Variants in NR4A2 observed in about 807,000 individuals in gnomAD.
The protein encoded by NR4A2 is nuclear receptor subfamily 4 group A member 2, also known as NGFI-B/nur77 beta-type transcription factor homolog.
NR4A2 carries 1 observed loss-of-function variant against 50.5 expected under a neutral mutation model. The observed-to-expected ratio is 0.02, with a 90% CI of 0.01 to 0.09. The LOEUF is 0.09. Among genes scored for constraint, NR4A2 ranks in the 10% least tolerant of loss-of-function variants. The pLI is 1.00. For synonymous variants in NR4A2, 328 were observed against 309.4 expected, an observed-to-expected ratio of 1.06 and a Z score of -0.63; for missense variants, 613 against 777.3, an observed-to-expected ratio of 0.79 and a Z score of 2.51.
chr2:156,327,687 T>C lies in NR4A2; in HGVS notation c.1158+164A>G, dbSNP rs200737201. On this transcript the variant is annotated intron_variant, in intron 5 of 7. Transcript: ENST00000339562. Reference sequence around the variant, plus strand: ...TCTATGCCCCCAGCTACATGGATTGTCTGAAGATCTGAATCTTGAGGCCCT... The same window carrying C: ...TCTATGCCCCCAGCTACATGGATTGCCTGAAGATCTGAATCTTGAGGCCCT... Among the ~76,000 whole-genome samples, 9 of 152,324 alleles carry C rather than the reference T, an allele frequency of 5.9e-5. No individual in the cohort carries two copies. The East Asian group carries it at 1.7e-3, about 29-fold the overall frequency.
In NR4A2 at chr2:156,329,448, G is replaced by T. The variant is rs1346737326; in HGVS notation, c.739C>A (p.Gln247Lys). The T allele has an allele frequency of 1.9e-6, 3 of 1,608,512 alleles. No individual in the cohort carries two copies. The highest frequency in any genetic ancestry group is 2.5e-6 in the Non-Finnish European group (3 of 1,179,246). Residue 247 changes from glutamine to lysine, a missense_variant, in exon 3 of 8, where the codon CAG (glutamine) becomes AAG (lysine). Around this residue, in one of 4 missense-constraint regions of NR4A2, gnomAD observed 275 missense variants for 248.9 expected, o/e 1.10. Transcript: ENST00000339562. This position sits in a 1 kb window ranked among gnomAD's most constrained non-coding sequence, Gnocchi z 7.5. ...CCCCGCGACGGCGGTGAGGGCACCT[G>T]CGTGTCGAGCAGCTGAGACGCGTGG... ...IGHASQLLDTQVPSPPSRGSP... is the reference protein window; with the variant it reads ...IGHASQLLDTKVPSPPSRGSP...
chr2:156,325,420 C>A lies in NR4A2; in HGVS notation c.*324G>T, dbSNP rs2105589310. On this transcript the variant is annotated 3_prime_UTR_variant, in exon 8 of 8. Transcript: ENST00000339562. ...AAACATTTCCCATTATACATTATAG[C>A]AATCTTTCTTCTGAACAACAAACTG... 5.4e-6 allele frequency: 2 copies of A among 372,438 alleles called. No homozygotes were observed. The highest frequency in any genetic ancestry group is 8.9e-4 in the Middle Eastern group (1 of 1,120). 23.1% of individuals were successfully genotyped at this position (372,438 alleles called of 1,614,324 possible). A position where few individuals can be genotyped will look rare whatever the true frequency, so the allele number is the denominator to read the frequency against.
In NR4A2 at chr2:156,328,355, G is replaced by A; in HGVS notation, c.994+49C>T. 6.2e-7 allele frequency: 1 copy of A among 1,613,644 alleles called. No homozygotes were observed. The highest frequency in any genetic ancestry group is 8.5e-7 in the Non-Finnish European group (1 of 1,179,726). On this transcript the variant is annotated intron_variant, in intron 4 of 7. Transcript: ENST00000339562. The surrounding 1 kb of genome is among the most constrained non-coding windows in gnomAD (Gnocchi z 4.9). ...AACGTGATGCTGGAGTATGAGCAGT[G>A]GTTTCCTAAAGGCGCAAACTGGAGG...
In NR4A2 at chr2:156,325,648, A is replaced by T; in HGVS notation, c.*96T>A. ...CAGAAATGGGGGGCAGCTTGAGCTGAGACTGCTCACACGGCTATCTCTGCC... is the reference window on the plus strand; with the variant it reads ...CAGAAATGGGGGGCAGCTTGAGCTGTGACTGCTCACACGGCTATCTCTGCC... On this transcript the variant is annotated 3_prime_UTR_variant, in exon 8 of 8. Transcript: ENST00000339562. 1 of 1,480,984 alleles carries T rather than the reference A, an allele frequency of 6.8e-7. No individual in the cohort carries two copies. Among genetic ancestry groups the T allele is most frequent in the Non-Finnish European group, 9.4e-7 (1 of 1,061,114 alleles). The allele number at this position is 1,480,984 out of a possible 1,614,324, so 91.7% of individuals were successfully genotyped here.
In NR4A2 at chr2:156,328,275, G is replaced by A. The variant is rs961745121; in HGVS notation, c.994+129C>T. ...AAGGCCGGGCAAGCAGGCAGCTGCA[G>A]GGTCCTGGAGGCCATACTGAGGGGG... On this transcript the variant is annotated intron_variant, in intron 4 of 7. Coordinates refer to ENST00000339562, the MANE Select transcript of NR4A2 (RefSeq NM_006186.4). The surrounding 1 kb of genome is among the most constrained non-coding windows in gnomAD (Gnocchi z 4.9). The A allele has an allele frequency of 6.8e-7, 1 of 1,470,450 alleles. No individual in the cohort carries two copies. Among genetic ancestry groups the A allele is most frequent in the Non-Finnish European group, 9.5e-7 (1 of 1,054,906 alleles). 91.1% of individuals were successfully genotyped at this position (1,470,450 alleles called of 1,614,324 possible).
chr2:156,330,730 A>T lies in NR4A2; in HGVS notation c.-65T>A. 2 of 1,257,280 alleles carry T rather than the reference A, an allele frequency of 1.6e-6. No homozygotes were observed. The highest frequency in any genetic ancestry group is 2.0e-6 in the Non-Finnish European group (2 of 1,001,172). The allele number at this position is 1,257,280 out of a possible 1,614,324, so 77.9% of individuals were successfully genotyped here. ...GGTGGACAGTGTCGTAATTCAATGA[A>T]GGACAAAGTTTCCAAGATTTTTAGA... On this transcript the variant is annotated 5_prime_UTR_variant, in exon 2 of 8. Transcript: ENST00000339562.
At chr2:156,332,433 G>A (rs1343844839) in intron 1 of NR4A2, 47 bp downstream of exon 1, 49 of 1,277,110 alleles carry the variant, frequency 3.8e-5, no homozygotes, top group Non-Finnish European at 4.7e-5. Flanking sequence ...TGCAAAAGAA[G>A]GAAAAAGCAT....
Position 156,326,171 on chromosome 2 carries a change from C to T in NR4A2, c.1519G>A (p.Ala507Thr). ...NIDISAFSCI[A>T]ALAMVTERHG... is the part of the protein sequence containing the mutation. Reference sequence around the variant, plus strand: ...TGACCTGTGACCATAGCCAGGGCAGCAATGCAGGAGAAGGCAGAAATGTCG... The same window carrying T: ...TGACCTGTGACCATAGCCAGGGCAGTAATGCAGGAGAAGGCAGAAATGTCG... The change falls in exon 7 of 8, where the codon GCT (alanine) becomes ACT (threonine). Residue 507 changes from alanine (A) to threonine (T), a missense_variant. Physicochemically the swap from Ala to Thr is moderately conservative, Grantham distance 58. Transcript: ENST00000339562. This position sits in a 1 kb window ranked among gnomAD's most constrained non-coding sequence, Gnocchi z 4.2. 1 of 1,614,190 alleles carries T rather than the reference C, an allele frequency of 6.2e-7. No homozygotes were observed. Among genetic ancestry groups the T allele is most frequent in the Non-Finnish European group, 8.5e-7 (1 of 1,180,036 alleles).
Position 156,326,644 on chromosome 2 carries a change from C to T in NR4A2, c.1361+74G>A. ...TTTCTCTACCCCACCCTCTGGTTTC[C>T]CTTCCTCCCTTTCTTTTCCTTTCTT... is the stretch of plus-strand genomic sequence containing the variant. On this transcript the variant is annotated intron_variant, in intron 6 of 7. Transcript: ENST00000339562. This position sits in a 1 kb window ranked among gnomAD's most constrained non-coding sequence, Gnocchi z 4.2. 1 of 1,494,646 alleles carries T rather than the reference C, an allele frequency of 6.7e-7. No individual in the cohort carries two copies. Among genetic ancestry groups the T allele is most frequent in the Admixed American group, 1.7e-5 (1 of 59,854 alleles). 92.6% of individuals were successfully genotyped at this position (1,494,646 alleles called of 1,614,324 possible).
chr2:156,330,208 A>G lies in NR4A2; in HGVS notation c.-2-20T>C. 6.2e-7 allele frequency: 1 copy of G among 1,613,692 alleles called. No homozygotes were observed. The highest frequency in any genetic ancestry group is 2.2e-5 in the East Asian group (1 of 44,874). On this transcript the variant is annotated intron_variant, in intron 2 of 7. Coordinates refer to ENST00000339562, the MANE Select transcript of NR4A2 (RefSeq NM_006186.4). ...GCATGGCTGGAAATGAAACAGGGTG[A>G]TAACACACTCAGCCTGGTCAACTGA... is the stretch of plus-strand genomic sequence containing the variant.
In NR4A2 at chr2:156,326,548, G is replaced by A. The variant is rs543815932; in HGVS notation, c.1361+170C>T. Among the ~76,000 whole-genome samples, 3 of 152,178 alleles carry A rather than the reference G, an allele frequency of 2.0e-5. No homozygotes were observed. The highest frequency in any genetic ancestry group is 6.5e-5 in the Admixed American group (1 of 15,296). ...CCATTCATCCAAGGCTTCTGGGCTC[G>A]CTTCTTCTCGTCTTTTTTTGTTTTC... On this transcript the variant is annotated intron_variant, in intron 6 of 7. Coordinates refer to ENST00000339562, the MANE Select transcript of NR4A2 (RefSeq NM_006186.4). The surrounding 1 kb of genome is among the most constrained non-coding windows in gnomAD (Gnocchi z 4.2).
At chr2:156,327,097 G>C (rs939082291) in intron 5 of NR4A2, among the ~76,000 whole-genome samples, 177 bp from the exon 6 acceptor site, 9 of 152,292 alleles carry the variant, frequency 5.9e-5, no homozygotes, top group African/African-American at 2.2e-4. Context: ...GGTGCTACGA[G>C]GTCGCTGCTT....
chr2:156,329,882 T>G lies in NR4A2; in HGVS notation c.305A>C (p.Gln102Pro). ...VEDIQMHNYQ[Q>P]HSHLPPQSEE... ...AGACTGGGGGGGCAGGTGGCTGTGT[T>G]GCTGGTAGTTGTGCATCTGAATGTC... is the stretch of plus-strand genomic sequence containing the variant. The change falls in exon 3 of 8, where the codon CAA becomes CCA. Residue 102 changes from glutamine (Q) to proline (P), a missense_variant. Gln to Pro is a moderately conservative substitution (Grantham distance 76, BLOSUM62 -1). Transcript: ENST00000339562. The surrounding 1 kb of genome is among the most constrained non-coding windows in gnomAD (Gnocchi z 7.5). The G allele has an allele frequency of 6.2e-7, 1 of 1,614,130 alleles. No individual in the cohort carries two copies. The highest frequency in any genetic ancestry group is 1.1e-5 in the South Asian group (1 of 91,080).
chr2:156,328,070 C>A lies in NR4A2; in HGVS notation c.995-56G>T. ...TTTCCGAGCCCAGGCCCAGCTGCTG[C>A]CTCGGTCCCTCCCCGGGGAAGGCCG... On this transcript the variant is annotated intron_variant, in intron 4 of 7. Transcript: ENST00000339562. This position sits in a 1 kb window ranked among gnomAD's most constrained non-coding sequence, Gnocchi z 4.9. 6.4e-7 allele frequency: 1 copy of A among 1,566,470 alleles called. No homozygotes were observed. Among genetic ancestry groups the A allele is most frequent in the Non-Finnish European group, 8.7e-7 (1 of 1,154,064 alleles).
Position 156,326,913 on chromosome 2 carries a change from G to A in NR4A2, c.1166C>T (p.Ala389Val), listed in dbSNP as rs557438711. The A allele has an allele frequency of 4.0e-5, 65 of 1,614,028 alleles. No individual in the cohort carries two copies. The East Asian group carries it at 9.1e-4, about 23-fold the overall frequency. Reference protein sequence around the residue: ...MTSLDYSRFQANPDYQMSGDD... With the variant: ...MTSLDYSRFQVNPDYQMSGDD... ...TCCACTCATTTGATAGTCAGGGTTC[G>A]CCTGGAACTGGAATTTCATTTTAAA... The change falls in exon 6 of 8, where the codon GCG becomes GTG. Residue 389 changes from alanine (A) to valine (V), a missense_variant. Coordinates refer to ENST00000339562, the MANE Select transcript of NR4A2 (RefSeq NM_006186.4). The surrounding 1 kb of genome is among the most constrained non-coding windows in gnomAD (Gnocchi z 4.2).
chr2:156,324,922 T>G lies in NR4A2; in HGVS notation c.*822A>C, dbSNP rs886054975. ...ATACTTGTGCCCACCTATTTTACAA[T>G]TGAGAAAATGTTTAAGCTCAGATAA... On this transcript the variant is annotated 3_prime_UTR_variant, in exon 8 of 8. Transcript: ENST00000339562. 6.6e-6 allele frequency: 1 copy of G among 152,640 alleles called. No individual in the cohort carries two copies. The highest frequency in any genetic ancestry group is 1.5e-5 in the Non-Finnish European group (1 of 68,038). The allele number at this position is 152,640 out of a possible 1,614,324, so 9.5% of individuals were successfully genotyped here.
chr2:156,326,880 G>A lies in NR4A2; in HGVS notation c.1199C>T (p.Thr400Ile). ...ATCATAGAATTGCTGGATATGCTGG[G>A]TGTCATCTCCACTCATTTGATAGTC... ...NPDYQMSGDDTQHIQQFYDLL... is the reference protein window; with the variant it reads ...NPDYQMSGDDIQHIQQFYDLL... The change falls in exon 6 of 8, where the codon ACC (threonine) becomes ATC (isoleucine). Residue 400 changes from threonine (T) to isoleucine (I), a missense_variant. Coordinates refer to ENST00000339562, the MANE Select transcript of NR4A2 (RefSeq NM_006186.4). This position sits in a 1 kb window ranked among gnomAD's most constrained non-coding sequence, Gnocchi z 4.2. The A allele has an allele frequency of 6.2e-7, 1 of 1,614,192 alleles. No homozygotes were observed. The highest frequency in any genetic ancestry group is 1.3e-5 in the African/African-American group (1 of 75,042).
In NR4A2 at chr2:156,329,868, G is replaced by A. The variant is rs763438209; in HGVS notation, c.319C>T (p.Pro107Ser). 2 of 1,614,168 alleles carry A rather than the reference G, an allele frequency of 1.2e-6. No individual in the cohort carries two copies. The highest frequency in any genetic ancestry group is 1.7e-5 in the Admixed American group (1 of 60,022). The stretch of plus-strand genomic sequence containing the variant: ...GGCATCATCTCCTCAGACTGGGGGG[G>A]CAGGTGGCTGTGTTGCTGGTAGTTG... The part of the protein sequence containing the change: ...MHNYQQHSHL[P>S]PQSEEMMPHS... The change falls in exon 3 of 8, where the codon CCC (proline) becomes TCC (serine). Residue 107 changes from proline (P) to serine (S), a missense_variant. Pro to Ser is a moderately conservative substitution (Grantham distance 74). This residue lies in a region of NR4A2 where 275 missense variants were observed against 248.9 expected (regional missense o/e 1.10). Coordinates refer to ENST00000339562, the MANE Select transcript of NR4A2 (RefSeq NM_006186.4). The surrounding 1 kb of genome is among the most constrained non-coding windows in gnomAD (Gnocchi z 7.5).
rs780261821 is a variant in NR4A2 at position 156,326,196 on chromosome 2, G to C, written c.1494C>G (p.Ile498Met). 1.2e-6 allele frequency: 2 copies of C among 1,614,168 alleles called. No individual in the cohort carries two copies. The highest frequency in any genetic ancestry group is 1.7e-6 in the Non-Finnish European group (2 of 1,180,038). ...CAATGCAGGAGAAGGCAGAAATGTC[G>C]ATGTTCATATTCTGCAAGTTGGAGG... Reference protein sequence around the residue: ...EFSSNLQNMNIDISAFSCIAA... With the variant: ...EFSSNLQNMNMDISAFSCIAA... Residue 498 changes from isoleucine (I) to methionine (M), a missense_variant, in exon 7 of 8, where the codon ATC (isoleucine) becomes ATG (methionine). This residue lies in a region of NR4A2 where 250 missense variants were observed against 311.3 expected (regional missense o/e 0.80). Transcript: ENST00000339562. The surrounding 1 kb of genome is among the most constrained non-coding windows in gnomAD (Gnocchi z 4.2).
Sources: gnomAD v4.1 joint callset for allele counts (sites outside exome capture counted in the v4.1 genomes callset) on GRCh38, gnomAD v4.1.1 for gene constraint, gnomAD v4.1.1 regional missense constraint, Gnocchi (gnomAD v3.1) non-coding constraint, MANE v1.5 for transcripts, NCBI Gene and HGNC (gene_info 2026-07-23, HGNC 2026-07-21) for gene names.